Variants in BTG3 observed in about 807,000 individuals in gnomAD.
BTG3 encodes the protein BTG anti-proliferation factor 3.
A neutral mutation model predicts 25.8 loss-of-function variants in BTG3; 4 were observed. The observed-to-expected ratio is 0.16, with a 90% CI of 0.08 to 0.36. The LOEUF (loss-of-function observed/expected upper bound fraction) is 0.36, where lower values mean the gene tolerates loss of function less well. BTG3 is among the 10% of genes least tolerant of loss of function. The pLI, the probability that BTG3 is intolerant of heterozygous loss-of-function variation, is 1.00. For synonymous variants in BTG3, 107 were observed against 99.9 expected (o/e 1.07, Z -0.42); for missense variants, 201 against 304.9 (o/e 0.66, Z 2.54).
intron 4 of BTG3, among the ~76,000 whole-genome samples, chr21:17,597,491 T>TA (rs1182464665): frequency 2.7e-5 from 4 of 150,884 alleles, no homozygotes; most frequent in African/African-American, 4.9e-5. Flanking sequence ...GGAAGGATAC[T>TA]AAAAAAAAGA....
At chr21:17,595,553 A>C (rs530493532) in intron 4 of BTG3, among the ~76,000 whole-genome samples, 1 of 152,126 alleles carries the variant, frequency 6.6e-6, no homozygotes, top group African/African-American at 2.4e-5. Flanking sequence ...TACATTTCAT[A>C]ATAATACATT....
chr21:17,594,568 T>C (rs1239775765), intron 4 of BTG3, among the ~76,000 whole-genome samples: 2 of 152,026 alleles, frequency 1.3e-5, no homozygotes, highest in Non-Finnish European at 2.9e-5. Flanking sequence ...AACACAGTAC[T>C]TCCTAAACAA....
At chr21:17,607,225 T>C (rs1569187657) in intron 2 of BTG3, among the ~76,000 whole-genome samples, 1 of 152,194 alleles carries the variant, frequency 6.6e-6, no homozygotes, top group Non-Finnish European at 1.5e-5. Flanking sequence ...TTGTACACTG[T>C]CTGACCTTTA....
intron 4 of BTG3, among the ~76,000 whole-genome samples, chr21:17,595,702 T>C (rs1204057278): frequency 3.9e-5 from 6 of 151,942 alleles, no homozygotes; most frequent in Non-Finnish European, 7.4e-5. Flanking sequence ...AAAACAATGA[T>C]ACACAACGAA....
At chr21:17,597,013 A>C (rs2061512982) in intron 4 of BTG3, among the ~76,000 whole-genome samples, 1 of 152,098 alleles carries the variant, frequency 6.6e-6, no homozygotes, top group African/African-American at 2.4e-5. Context: ...GAAAGAAGAA[A>C]ATCAAAGTGG....
At chr21:17,608,910 TC>T in intron 2 of BTG3, 61 bp downstream of exon 2, 2 of 1,504,966 alleles carry the variant, frequency 1.3e-6, no homozygotes, top group Non-Finnish European at 1.8e-6. Context: ...CCTTCAATCA[TC>T]CGGCCTTGAA....
chr21:17,603,988 T>G (rs1402100252), intron 3 of BTG3, among the ~76,000 whole-genome samples: 1 of 152,214 alleles, frequency 6.6e-6, no homozygotes, highest in Non-Finnish European at 1.5e-5. Context: ...ACCCTACAAC[T>G]GAGAGTGCCT....
chr21:17,609,306 ACTT>A (rs2061687013), intron 1 of BTG3, among the ~76,000 whole-genome samples, 154 bp from the exon 2 acceptor site: 1 of 152,194 alleles, frequency 6.6e-6, no homozygotes, highest in Non-Finnish European at 1.5e-5. Context: ...AGAACAATCT[ACTT>A]ATCTTTATGC....
chr21:17,598,842 A>G lies in BTG3; in HGVS notation c.312-18T>C. The stretch of plus-strand genomic sequence containing the variant: ...CTCCATACCTAAGAATAAAATTAAA[A>G]ACTTACAAATCTTGAAGTCACATCA... On this transcript the variant is annotated intron_variant, in intron 3 of 4. Transcript: ENST00000348354. 1 of 1,597,332 alleles carries G rather than the reference A, an allele frequency of 6.3e-7. No individual in the cohort carries two copies. The highest frequency in any genetic ancestry group is 8.5e-7 in the Non-Finnish European group (1 of 1,173,588).
rs1237216294 is a variant in BTG3 at position 17,604,104 on chromosome 21, A to G, written c.311+756T>C. 2.4e-6 allele frequency: 3 copies of G among 1,271,408 alleles called. No homozygotes were observed. In the South Asian group the frequency reaches 3.9e-5, roughly 16 times the overall value. The allele number at this position is 1,271,408 out of a possible 1,614,324, so 78.8% of individuals were successfully genotyped here. A position where few individuals can be genotyped will look rare whatever the true frequency, so the allele number is the denominator to read the frequency against. On this transcript the variant is annotated intron_variant, in intron 3 of 4. Transcript: ENST00000348354. ...TTAGGAGATGTGAAAAATAACTTCC[A>G]TTATAAAAATAAAACCACGAAGTAT...
chr21:17,604,183 C>A, intron 3 of BTG3: 1 of 1,256,448 alleles, frequency 8.0e-7, no homozygotes, highest in South Asian at 1.3e-5. Context: ...GTGGCTCACG[C>A]CTGTAATCCA....
chr21:17,597,614 C>T (rs1014427789), intron 4 of BTG3, among the ~76,000 whole-genome samples: 1 of 151,678 alleles, frequency 6.6e-6, no homozygotes, highest in Admixed American at 6.6e-5. Flanking sequence ...TTTCATAAAG[C>T]CAGGTACATG....
At chr21:17,596,490 G>T (rs116666516) in intron 4 of BTG3, among the ~76,000 whole-genome samples, 1 of 151,580 alleles carries the variant, frequency 6.6e-6, no homozygotes, top group Non-Finnish European at 1.5e-5. Context: ...AGTTAGGTTC[G>T]TTTTTTTTCC....
At position 17,604,291 on chromosome 21, in the gene BTG3, A is replaced by G. The variant is rs373205062; in HGVS notation, c.311+569T>C. 11 of 257,464 alleles carry G rather than the reference A, an allele frequency of 4.3e-5. No homozygotes were observed. The East Asian group carries it at 1.8e-3, about 42-fold the overall frequency. 15.9% of individuals were successfully genotyped at this position (257,464 alleles called of 1,614,324 possible). On this transcript the variant is annotated intron_variant, in intron 3 of 4. Coordinates refer to ENST00000348354, the MANE Select transcript of BTG3 (RefSeq NM_006806.5). ...CCCCATCTCTACTACAAATATAAAA[A>G]AAAATTAGCCGGGCACAGTGGTGGG...
In BTG3 at chr21:17,594,351, A is replaced by T. The variant is rs1181756508; in HGVS notation, c.520-19T>A. On this transcript the variant is annotated intron_variant, in intron 4 of 4. Coordinates refer to ENST00000348354, the MANE Select transcript of BTG3 (RefSeq NM_006806.5). ...CTGAAATCTGTAGGGAAGAGAACAC[A>T]TTAAGTTAATTCAAAGGAAAAAATC... 3.6e-5 allele frequency: 57 copies of T among 1,598,760 alleles called. No individual in the cohort carries two copies. The highest frequency in any genetic ancestry group is 4.6e-5 in the Non-Finnish European group (54 of 1,173,918).
At chr21:17,600,854 T>C (rs185044084) in intron 3 of BTG3, among the ~76,000 whole-genome samples, 7 of 152,268 alleles carry the variant, frequency 4.6e-5, no homozygotes, top group African/African-American at 1.7e-4. Flanking sequence ...TATTCTTTTT[T>C]AGTTTACCTC....
At chr21:17,608,869 GAT>G (rs2061681802) in intron 2 of BTG3, 101 bp downstream of exon 2, 1 of 1,141,832 alleles carries the variant, frequency 8.8e-7, no homozygotes, top group African/African-American at 1.6e-5. Context: ...ATATTTTGCA[GAT>G]GAAACACCTG....
intron 2 of BTG3, 113 bp downstream of exon 2, chr21:17,608,859 A>G (rs890051217): frequency 1.1e-5 from 11 of 1,036,004 alleles, no homozygotes; most frequent in Non-Finnish European, 1.5e-5. Flanking sequence ...CCAGAGTTCT[A>G]TATTTTGCAG....
chr21:17,596,682 GATGAAT>G (rs1288890147), intron 4 of BTG3, among the ~76,000 whole-genome samples: 1 of 152,020 alleles, frequency 6.6e-6, no homozygotes, highest in Non-Finnish European at 1.5e-5. Context: ...ACACTGTCTT[GATGAAT>G]ATATAATAGC....
Sources: allele counts gnomAD v4.1 joint callset (sites outside exome capture counted in the v4.1 genomes callset), GRCh38; gene constraint gnomAD v4.1.1; transcripts MANE v1.5; gene names NCBI Gene and HGNC (gene_info 2026-07-23, HGNC 2026-07-21).